The following SRSF4 variants were observed in gnomAD, a reference collection of about 807,000 sequenced individuals.
SRSF4 encodes the protein serine/arginine-rich splicing factor 4.
In SRSF4, 12 loss-of-function variants were observed where a neutral mutation model predicts 48.8. That is an observed-to-expected ratio of 0.25 (90% CI 0.16 to 0.40). SRSF4 has a LOEUF of 0.40. Among genes scored for constraint, SRSF4 ranks in the 10% least tolerant of loss-of-function variants. SRSF4 has a pLI of 1.00. For synonymous variants in SRSF4, 248 were observed against 232.5 expected, an observed-to-expected ratio of 1.07 and a Z score of -0.61; for missense variants, 466 against 667.1, an observed-to-expected ratio of 0.70 and a Z score of 3.32.
rs973862964 is a variant in SRSF4 at position 29,149,291 on chromosome 1, C to T, written c.669-65G>A. 3.2e-6 allele frequency: 5 copies of T among 1,554,524 alleles called. No homozygotes were observed. The African/African-American group carries it at 6.8e-5, about 21-fold the overall frequency. ...TCATGCTAATCAGGAGATAAAAAGA[C>T]CAAAGGGCATACATGTGGAGTTACA... On this transcript the variant is annotated intron_variant, in intron 5 of 5. Transcript: ENST00000373795.
At chr1:29,168,036 A>G (rs1672692479) in intron 1 of SRSF4, among the ~76,000 whole-genome samples, 1 of 150,944 alleles carries the variant, frequency 6.6e-6, no homozygotes, top group Admixed American at 6.6e-5. Flanking sequence ...TTTTAAAAAA[A>G]ACATAGTCTC....
At chr1:29,149,335 G>A (rs1213577463) in intron 5 of SRSF4, 109 bp from the exon 6 acceptor site, 1 of 1,283,212 alleles carries the variant, frequency 7.8e-7, no homozygotes, top group Non-Finnish European at 1.0e-6. Flanking sequence ...TATAAAGCAT[G>A]GCTGGCACTG....
intron 3 of SRSF4, among the ~76,000 whole-genome samples, chr1:29,155,153 A>C (rs1460190422): frequency 6.6e-6 from 1 of 152,158 alleles, no homozygotes; most frequent in Non-Finnish European, 1.5e-5. Flanking sequence ...TTTTGGGGCC[A>C]AGTGTGGTGG....
intron 3 of SRSF4, 82 bp downstream of exon 3, chr1:29,159,292 T>C: frequency 1.2e-6 from 1 of 862,108 alleles, no homozygotes; most frequent in Admixed American, 2.2e-5. Flanking sequence ...ATTTTGTGTA[T>C]GCCTGGGCCT....
chr1:29,155,333 G>A (rs960562159), intron 3 of SRSF4, among the ~76,000 whole-genome samples: 3 of 152,074 alleles, frequency 2.0e-5, no homozygotes. Flanking sequence ...AGTAGGATGA[G>A]GTGGGAGGAT....
chr1:29,170,044 A>G (rs1672725805), intron 1 of SRSF4: 2 of 152,346 alleles, frequency 1.3e-5, no homozygotes, highest in South Asian at 2.1e-4. Flanking sequence ...CCCTGCAATC[A>G]TAACTGAACT....
At chr1:29,162,966 A>G (rs1672621110) in intron 1 of SRSF4, among the ~76,000 whole-genome samples, 1 of 152,190 alleles carries the variant, frequency 6.6e-6, no homozygotes, top group South Asian at 2.1e-4. Flanking sequence ...AGACTCAAAG[A>G]TCACCCTGTT....
chr1:29,170,754 C>G (rs1672734933), intron 1 of SRSF4: 4 of 152,182 alleles, frequency 2.6e-5, no homozygotes, highest in African/African-American at 9.7e-5. Flanking sequence ...GAGCCTCCTG[C>G]TCTGTCTGCC....
chr1:29,176,702 G>A (rs547976), intron 1 of SRSF4, among the ~76,000 whole-genome samples: 29,972 of 151,922 alleles, frequency 0.2, 3,537 homozygotes, highest in Non-Finnish European at 0.28. Flanking sequence ...ACACAACAAC[G>A]ACCTGCCTCA....
At chr1:29,149,698 AAAAAAAAG>A (rs1672375378) in intron 5 of SRSF4, among the ~76,000 whole-genome samples, 2 of 134,282 alleles carry the variant, frequency 1.5e-5, no homozygotes, top group African/African-American at 5.0e-5. Context: ...GAAAAAAAAA[AAAAAAAAG>A]AAAAAGAAGC....
In SRSF4 at chr1:29,148,138, C is replaced by T. The variant is rs756065805; in HGVS notation, c.*272G>A. The stretch of plus-strand genomic sequence containing the variant: ...GTTACTGAGCTCCCTGTAGGAAAGG[C>T]CAGGCCTGAAAGCCAAGGCGTTTTG... On this transcript the variant is annotated 3_prime_UTR_variant, in exon 6 of 6. Coordinates refer to ENST00000373795, the MANE Select transcript of SRSF4 (RefSeq NM_005626.5). 3.4e-6 allele frequency: 2 copies of T among 593,558 alleles called. No homozygotes were observed. The highest frequency in any genetic ancestry group is 1.5e-5 in the South Asian group (1 of 65,794). 36.8% of individuals were successfully genotyped at this position (593,558 alleles called of 1,614,324 possible). A position where few individuals can be genotyped will look rare whatever the true frequency, so the allele number is the denominator to read the frequency against.
intron 4 of SRSF4, among the ~76,000 whole-genome samples, chr1:29,153,960 G>A (rs1672456594): frequency 6.6e-6 from 1 of 151,732 alleles, no homozygotes; most frequent in Non-Finnish European, 1.5e-5. Context: ...GGAATAGTGC[G>A]ATCTCGGCTC....
chr1:29,173,076 A>T (rs990503174), intron 1 of SRSF4: 5 of 151,900 alleles, frequency 3.3e-5, no homozygotes, highest in African/African-American at 1.2e-4. Flanking sequence ...TGCTTTCATA[A>T]TATCTAAATG....
intron 5 of SRSF4, among the ~76,000 whole-genome samples, chr1:29,149,451 C>A (rs1379581503): frequency 6.6e-6 from 1 of 152,068 alleles, no homozygotes; most frequent in East Asian, 1.9e-4. Context: ...GAGGCCAAGG[C>A]AGGCGGATCG....
chr1:29,153,652 G>A (rs1672451684), intron 4 of SRSF4, among the ~76,000 whole-genome samples: 1 of 149,846 alleles, frequency 6.7e-6, no homozygotes, highest in African/African-American at 2.5e-5. Flanking sequence ...CCAGGCTAGA[G>A]TGCAACGGTG....
At chr1:29,177,236 G>A (rs749346971) in intron 1 of SRSF4, among the ~76,000 whole-genome samples, 11 of 151,384 alleles carry the variant, frequency 7.3e-5, no homozygotes, top group African/African-American at 2.4e-4. Context: ...CTTCCTTGAC[G>A]TGCATCTAGG....
At position 29,181,766 on chromosome 1, in the gene SRSF4, G is replaced by A; in HGVS notation, c.-14C>T. The A allele has an allele frequency of 1.3e-6, 2 of 1,567,070 alleles. No individual in the cohort carries two copies. Among genetic ancestry groups the A allele is most frequent in the South Asian group, 1.1e-5 (1 of 86,962 alleles). ...CACCCGCGGCATCCCGGCAACGGCA[G>A]TGATGGCTGGCCCCGGCCCCAGCCC... On this transcript the variant is annotated 5_prime_UTR_variant, in exon 1 of 6. Transcript: ENST00000373795.
Position 29,149,107 on chromosome 1 carries a change from C to A in SRSF4, c.788G>T (p.Gly263Val). 1 of 1,611,078 alleles carries A rather than the reference C, an allele frequency of 6.2e-7. No individual in the cohort carries two copies. Among genetic ancestry groups the A allele is most frequent in the Non-Finnish European group, 8.5e-7 (1 of 1,177,868 alleles). The part of the protein sequence containing the change: ...EKSRSRSHSA[G>V]KSRSKSKDQA... ...GTCTTTGCTCTTGCTGCGGCTCTTG[C>A]CAGCGCTATGGCTGCGGCTGCGGCT... Residue 263 changes from glycine to valine, a missense_variant, in exon 6 of 6, where the codon GGC becomes GTC. By Grantham distance (109) the Gly-to-Val change is moderately radical. Transcript: ENST00000373795.
intron 1 of SRSF4, among the ~76,000 whole-genome samples, chr1:29,178,989 T>C (rs1469912530): frequency 1.3e-5 from 2 of 152,168 alleles, no homozygotes; most frequent in African/African-American, 4.8e-5. Context: ...TGACTTTCAA[T>C]GACATTTCAT....
Sources: allele counts gnomAD v4.1 joint callset (sites outside exome capture counted in the v4.1 genomes callset), GRCh38; gene constraint gnomAD v4.1.1; transcripts MANE v1.5; gene names NCBI Gene and HGNC (gene_info 2026-07-23, HGNC 2026-07-21).